KLHL28: variants seen among roughly 807,000 people sequenced by gnomAD.
The protein encoded by KLHL28 is kelch-like protein 28.
KLHL28 carries 22 observed loss-of-function variants against 48.3 expected under a neutral mutation model. The ratio of observed to expected loss-of-function variants is 0.46; its 90% confidence interval spans 0.33 to 0.65. The LOEUF (loss-of-function observed/expected upper bound fraction) is 0.65, where lower values mean the gene tolerates loss of function less well. KLHL28 is among the 30% of genes least tolerant of loss of function. The pLI is 0.03. For missense variants in KLHL28, 527 were observed against 704.3 expected (o/e 0.75, Z 2.85); for synonymous variants, 243 against 242.4 (o/e 1.00, Z -0.02).
chr14:44,960,130 T>C (rs535860716), intron 1 of KLHL28, among the ~76,000 whole-genome samples: 3 of 152,300 alleles, frequency 2.0e-5, no homozygotes, highest in East Asian at 1.9e-4. Flanking sequence ...CTGTAATGTA[T>C]AGTGATCCAC....
At chr14:44,946,961 GA>G (rs1407359294) in intron 1 of KLHL28, among the ~76,000 whole-genome samples, 1 of 152,148 alleles carries the variant, frequency 6.6e-6, no homozygotes, top group Non-Finnish European at 1.5e-5. Context: ...AAAGGGATGA[GA>G]AAGAAAAGAA....
At chr14:44,947,291 G>A (rs540240453) in intron 1 of KLHL28, among the ~76,000 whole-genome samples, 5 of 152,296 alleles carry the variant, frequency 3.3e-5, no homozygotes, top group African/African-American at 7.2e-5. Context: ...GAAGAGCCAA[G>A]AACAGATTCT....
Position 44,927,199 on chromosome 14 carries a change from T to G in KLHL28, c.*1829A>C, listed in dbSNP as rs1404648527. ...AATCTGTGCAAATATTCATAAAGCA[T>G]GATACTACATTTATGATTAAAAATG... On this transcript the variant is annotated 3_prime_UTR_variant, in exon 5 of 5. Coordinates refer to ENST00000396128, the MANE Select transcript of KLHL28 (RefSeq NM_017658.5). 6.6e-6 allele frequency: 1 copy of G among 152,626 alleles called. No individual in the cohort carries two copies. The highest frequency in any genetic ancestry group is 1.5e-5 in the Non-Finnish European group (1 of 68,000). The allele number at this position is 152,626 out of a possible 1,614,324, so 9.5% of individuals were successfully genotyped here.
intron 1 of KLHL28, among the ~76,000 whole-genome samples, chr14:44,948,497 C>T (rs1235674254): frequency 6.6e-6 from 1 of 152,056 alleles, no homozygotes; most frequent in Non-Finnish European, 1.5e-5. Flanking sequence ...TTAATTGTTT[C>T]ATTCATAAAA....
At chr14:44,943,339 A>C (rs1236846052) in intron 2 of KLHL28, among the ~76,000 whole-genome samples, 1 of 152,218 alleles carries the variant, frequency 6.6e-6, no homozygotes, top group Non-Finnish European at 1.5e-5. Flanking sequence ...CAGTCTCAAC[A>C]ATACTAGTTT....
intron 2 of KLHL28, among the ~76,000 whole-genome samples, chr14:44,937,127 G>GT (rs1275465159): frequency 2.0e-5 from 3 of 150,494 alleles, no homozygotes; most frequent in East Asian, 2.0e-4. Context: ...GAATTGAATT[G>GT]TTTTTTTTGT....
chr14:44,959,024 TCCAAAAAGG>T (rs1566581167), intron 1 of KLHL28, among the ~76,000 whole-genome samples: 2 of 150,160 alleles, frequency 1.3e-5, no homozygotes, highest in Admixed American at 1.3e-4. Flanking sequence ...TGAATAGAAA[TCCAAAAAGG>T]ATAGATTAAA....
rs768808809 is a variant in KLHL28, at chr14:44,929,089, G to C, written c.1655C>G (p.Thr552Arg). 9 of 1,613,822 alleles carry C rather than the reference G, an allele frequency of 5.6e-6. No individual in the cohort carries two copies. The South Asian group carries it at 9.9e-5, about 18-fold the overall frequency. Residue 552 changes from threonine to arginine, a missense_variant, in exon 5 of 5, where the codon ACG (threonine) becomes AGG (arginine). Coordinates refer to ENST00000396128, the MANE Select transcript of KLHL28 (RefSeq NM_017658.5). ...TATCATGCCAGCTGAATCCAGCCAC[G>C]TATCTGAGATAGGATCATATTTCTG... is the stretch of plus-strand genomic sequence containing the variant. The part of the protein sequence containing the change: ...TVQKYDPISD[T>R]WLDSAGMIYC...
chr14:44,950,102 TCAA>T (rs996761726), intron 1 of KLHL28, among the ~76,000 whole-genome samples: 10 of 152,114 alleles, frequency 6.6e-5, no homozygotes, highest in African/African-American at 2.2e-4. Flanking sequence ...TGAAGGTTAC[TCAA>T]CAACAACAGG....
chr14:44,946,361 T>A (rs1346594076), intron 1 of KLHL28, among the ~76,000 whole-genome samples: 1 of 152,184 alleles, frequency 6.6e-6, no homozygotes, highest in African/African-American at 2.4e-5. Context: ...CAACAGATGC[T>A]TTAATTGGGC....
chr14:44,951,220 T>G (rs1203974910), intron 1 of KLHL28, among the ~76,000 whole-genome samples: 2 of 152,206 alleles, frequency 1.3e-5, no homozygotes, highest in Non-Finnish European at 2.9e-5. Flanking sequence ...AGAAACTGTC[T>G]CATGACACAC....
intron 1 of KLHL28, among the ~76,000 whole-genome samples, chr14:44,960,192 C>T (rs1884971682): frequency 6.6e-6 from 1 of 152,140 alleles, no homozygotes; most frequent in African/African-American, 2.4e-5. Context: ...GCTTTGTTCC[C>T]AGGAAAAGGG....
In KLHL28 at chr14:44,926,427, C is replaced by T. The variant is rs2138568744; in HGVS notation, c.*2601G>A. The T allele has an allele frequency of 6.6e-6, 1 of 152,110 alleles. No homozygotes were observed. Among genetic ancestry groups the T allele is most frequent in the South Asian group, 2.1e-4 (1 of 4,822 alleles). The allele number at this position is 152,110 out of a possible 1,614,324, so 9.4% of individuals were successfully genotyped here. On this transcript the variant is annotated 3_prime_UTR_variant, in exon 5 of 5. Coordinates refer to ENST00000396128, the MANE Select transcript of KLHL28 (RefSeq NM_017658.5). ...TGATCTAATTTACCAAATGATTATACACTAATTTGATAGTGGAGATGATAC... is the reference window on the plus strand; with the variant it reads ...TGATCTAATTTACCAAATGATTATATACTAATTTGATAGTGGAGATGATAC...
rs184202065 is a variant in KLHL28 at position 44,952,435 on chromosome 14, T to G, written c.1-6507A>C. Among the ~76,000 whole-genome samples, 30 of 152,294 alleles carry G rather than the reference T, an allele frequency of 2.0e-4. No individual in the cohort carries two copies. The East Asian group carries it at 5.0e-3, about 25-fold the overall frequency. On this transcript the variant is annotated intron_variant, in intron 1 of 4. Coordinates refer to ENST00000396128, the MANE Select transcript of KLHL28 (RefSeq NM_017658.5). ...GTGTTTTAAGTCCTCCAGGTTATTCTTAGGCAAAAGTTCCAGAACCAGTTA... is the reference window on the plus strand; with the variant it reads ...GTGTTTTAAGTCCTCCAGGTTATTCGTAGGCAAAAGTTCCAGAACCAGTTA...
At chr14:44,930,233 T>C (rs1461265199) in intron 4 of KLHL28, among the ~76,000 whole-genome samples, 1 of 152,172 alleles carries the variant, frequency 6.6e-6, no homozygotes, top group African/African-American at 2.4e-5. Context: ...TCTTTAATCA[T>C]AAATATAGGT....
At chr14:44,952,237 T>G (rs563593453) in intron 1 of KLHL28, among the ~76,000 whole-genome samples, 1 of 152,320 alleles carries the variant, frequency 6.6e-6, no homozygotes, top group African/African-American at 2.4e-5. Context: ...CACAGAATTC[T>G]AACATTTTCA....
chr14:44,955,332 C>T (rs2138666181), intron 1 of KLHL28, among the ~76,000 whole-genome samples: 1 of 151,782 alleles, frequency 6.6e-6, no homozygotes, highest in Non-Finnish European at 1.5e-5. Context: ...ATTATATTTC[C>T]TAGCTCTGTC....
intron 1 of KLHL28, chr14:44,960,913 T>TG: frequency 6.5e-7 from 1 of 1,542,468 alleles, no homozygotes; most frequent in African/African-American, 1.4e-5. Context: ...TAGGAATACT[T>TG]GCATTTGAAG....
At chr14:44,941,640 A>AAAAAAG (rs1228648767) in intron 2 of KLHL28, among the ~76,000 whole-genome samples, 1 of 149,806 alleles carries the variant, frequency 6.7e-6, no homozygotes. Context: ...AAAAAAAAAA[A>AAAAAAG]AAAAAGAAAA....
Sources: allele counts gnomAD v4.1 joint callset (sites outside exome capture counted in the v4.1 genomes callset), GRCh38; gene constraint gnomAD v4.1.1; transcripts MANE v1.5; gene names NCBI Gene and HGNC (gene_info 2026-07-23, HGNC 2026-07-21).